The following NCOR1 variants were observed in gnomAD, a reference collection of about 807,000 sequenced individuals.
NCOR1 encodes protein phosphatase 1, regulatory subunit 109.
A neutral mutation model predicts 288.1 loss-of-function variants in NCOR1; 63 were observed. The observed-to-expected ratio is 0.22, with a 90% CI of 0.18 to 0.27. The LOEUF (loss-of-function observed/expected upper bound fraction) is 0.27, where lower values mean the gene tolerates loss of function less well. Ranked by LOEUF, NCOR1 falls within the 10% of genes least tolerant of loss-of-function variation. The pLI, the probability that NCOR1 is intolerant of heterozygous loss-of-function variation, is 1.00. For synonymous variants in NCOR1, 1,007 were observed against 1,065.9 expected, an observed-to-expected ratio of 0.94 and a Z score of 1.08; for missense variants, 2,397 against 3,019.2, an observed-to-expected ratio of 0.79 and a Z score of 4.83.
chr17:16,213,592 C>T (rs930370832), intron 1 of NCOR1, among the ~76,000 whole-genome samples: 1 of 151,584 alleles, frequency 6.6e-6, no homozygotes, highest in Non-Finnish European at 1.5e-5. Context: ...GTGTAAATGC[C>T]GCGAGAGATG....
chr17:16,040,262 C>G lies in NCOR1; in HGVS notation c.6733+179G>C, dbSNP rs779713525. On this transcript the variant is annotated intron_variant, in intron 43 of 45. Transcript: ENST00000268712. ...CATTTATCTTTTCAATAGGTATTTACTGGATCTCAGTTCCTTTCTGTGCTA... is the reference window on the plus strand; with the variant it reads ...CATTTATCTTTTCAATAGGTATTTAGTGGATCTCAGTTCCTTTCTGTGCTA... 7 of 691,658 alleles carry G rather than the reference C, an allele frequency of 1.0e-5. No individual in the cohort carries two copies. In the South Asian group the frequency reaches 1.1e-4, roughly 10 times the overall value. The allele number at this position is 691,658 out of a possible 1,614,324, so 42.8% of individuals were successfully genotyped here.
intron 43 of NCOR1, chr17:16,040,234 G>A (rs1382793527): frequency 3.0e-6 from 2 of 665,524 alleles, no homozygotes; most frequent in Non-Finnish European, 5.5e-6. Context: ...CATTCTTTTT[G>A]TTCATTTATC....
chr17:16,058,323 T>G, intron 38 of NCOR1, 148 bp downstream of exon 38: 3 of 1,050,074 alleles, frequency 2.9e-6, no homozygotes, highest in Non-Finnish European at 2.7e-6. Context: ...TAAAAAAGAA[T>G]CGATTGCTGT....
At chr17:16,074,948 A>C (rs775907785) in intron 27 of NCOR1, among the ~76,000 whole-genome samples, 1 of 152,082 alleles carries the variant, frequency 6.6e-6, no homozygotes, top group Non-Finnish European at 1.5e-5. Flanking sequence ...GCTCACTGCA[A>C]GTTCTGCCTC....
At chr17:16,172,375 T>TG (rs1599876583) in intron 3 of NCOR1, among the ~76,000 whole-genome samples, 1 of 151,522 alleles carries the variant, frequency 6.6e-6, no homozygotes, top group Non-Finnish European at 1.5e-5. Context: ...AAAAAAGGTT[T>TG]GGGGGGAGGA....
At chr17:16,049,705 G>A (rs1034775637) in intron 40 of NCOR1, among the ~76,000 whole-genome samples, 4 of 151,080 alleles carry the variant, frequency 2.6e-5, no homozygotes, top group Admixed American at 1.3e-4. Flanking sequence ...TCAGCCTCCC[G>A]AGCAGCTGGA....
chr17:16,040,543 T>C (rs1407151481), intron 42 of NCOR1, 49 bp from the exon 43 acceptor site: 4 of 1,507,660 alleles, frequency 2.7e-6, no homozygotes, highest in African/African-American at 1.4e-5. Flanking sequence ...TAATCATATA[T>C]ACCAAACTAA....
At chr17:16,059,512 C>T (rs1045332543) in intron 37 of NCOR1, among the ~76,000 whole-genome samples, 5 of 152,204 alleles carry the variant, frequency 3.3e-5, no homozygotes, top group Admixed American at 1.3e-4. Context: ...AGGATACCCA[C>T]ATCAGAAAAG....
chr17:16,088,550 T>C (rs2064621713), intron 22 of NCOR1, among the ~76,000 whole-genome samples: 1 of 152,198 alleles, frequency 6.6e-6, no homozygotes, highest in Non-Finnish European at 1.5e-5. Context: ...ATAATTTGTC[T>C]TTTCCCTTCA....
chr17:16,147,989 G>GT (rs1221411517), intron 9 of NCOR1, among the ~76,000 whole-genome samples: 1 of 152,166 alleles, frequency 6.6e-6, no homozygotes, highest in Non-Finnish European at 1.5e-5. Context: ...GGCTAATTTT[G>GT]TATTTTTAGC....
intron 5 of NCOR1, among the ~76,000 whole-genome samples, chr17:16,163,059 A>G (rs1162121538): frequency 6.6e-6 from 1 of 152,180 alleles, no homozygotes; most frequent in Non-Finnish European, 1.5e-5. Context: ...TATAAGAGGT[A>G]AAACTATAAA....
chr17:16,044,132 G>C lies in NCOR1; in HGVS notation c.6679+2819C>G, dbSNP rs374501868. 3.7e-5 allele frequency among the ~76,000 whole-genome samples: 5 copies of C among 134,084 alleles called. No homozygotes were observed. In the East Asian group the frequency reaches 6.4e-4, roughly 17 times the overall value. The allele number at this position is 134,084 out of a possible 152,430, so 88.0% of individuals were successfully genotyped here. A position where few individuals can be genotyped will look rare whatever the true frequency, so the allele number is the denominator to read the frequency against. ...TGCGGTGAGCCGAGATCGTGCCACT[G>C]CACTCCAGCCTGGGCCACAGAGTAA... On this transcript the variant is annotated intron_variant, in intron 42 of 45. Transcript: ENST00000268712.
chr17:16,206,396 T>C (rs2091512205), intron 1 of NCOR1, among the ~76,000 whole-genome samples: 1 of 152,138 alleles, frequency 6.6e-6, no homozygotes, highest in Non-Finnish European at 1.5e-5. Context: ...TATTTTCTTT[T>C]CTTTTTTGAA....
intron 40 of NCOR1, among the ~76,000 whole-genome samples, chr17:16,055,947 C>A (rs1018823137): frequency 6.6e-6 from 1 of 152,096 alleles, no homozygotes; most frequent in East Asian, 1.9e-4. Context: ...TCGGGGCAAG[C>A]GGGGATGAAA....
At chr17:16,081,293 C>G (rs1489586671) in intron 23 of NCOR1, among the ~76,000 whole-genome samples, 1 of 148,820 alleles carries the variant, frequency 6.7e-6, no homozygotes, top group East Asian at 1.9e-4. Flanking sequence ...CTGCAACCTC[C>G]GCCTCCCAGT....
intron 34 of NCOR1, 117 bp downstream of exon 34, chr17:16,064,753 A>T: frequency 9.6e-7 from 1 of 1,039,722 alleles, no homozygotes; most frequent in Non-Finnish European, 1.4e-6. Context: ...ATTAAATGTT[A>T]AAAGAAAAAC....
intron 21 of NCOR1, among the ~76,000 whole-genome samples, chr17:16,094,042 C>T (rs780657202): frequency 3.3e-5 from 5 of 152,008 alleles, no homozygotes; most frequent in Admixed American, 6.6e-5. Flanking sequence ...CAACCACAGG[C>T]GCATGGCACC....
chr17:16,116,910 T>C (rs1380486214), intron 18 of NCOR1, among the ~76,000 whole-genome samples: 1 of 152,228 alleles, frequency 6.6e-6, no homozygotes, highest in African/African-American at 2.4e-5. Flanking sequence ...CTGCCAAGAT[T>C]TATGCTTAGG....
chr17:16,125,666 C>A (rs1398172099), intron 15 of NCOR1, among the ~76,000 whole-genome samples: 2 of 141,830 alleles, frequency 1.4e-5, no homozygotes, highest in African/African-American at 5.3e-5. Context: ...CATGCCACTG[C>A]ACTCCAGCCT....
Sources: gnomAD v4.1 joint callset for allele counts (sites outside exome capture counted in the v4.1 genomes callset) on GRCh38, gnomAD v4.1.1 for gene constraint, MANE v1.5 for transcripts, NCBI Gene and HGNC (gene_info 2026-07-23, HGNC 2026-07-21) for gene names.